The following TMEM18 variants were observed in gnomAD, a reference collection of about 807,000 sequenced individuals.
TMEM18 encodes transmembrane protein 18.
TMEM18 carries 14 observed loss-of-function variants against 17.4 expected under a neutral mutation model. That is an observed-to-expected ratio of 0.80 (90% CI 0.53 to 1.25). The LOEUF (loss-of-function observed/expected upper bound fraction) is 1.25. TMEM18 is among the 50% of genes most tolerant of loss of function. The probability of loss-of-function intolerance (pLI) is 0.00; values close to 1 mark genes in which losing one functional copy is unlikely to be tolerated. For synonymous variants in TMEM18, 86 were observed against 66.1 expected (o/e 1.30, Z -1.46); for missense variants, 187 against 172.1 (o/e 1.09, Z -0.48).
At position 668,525 on chromosome 2, in the gene TMEM18, C is replaced by T. The variant is rs748210196; in HGVS notation, c.*1055G>A. 3 of 152,164 alleles carry T rather than the reference C, an allele frequency of 2.0e-5. No homozygotes were observed. The highest frequency in any genetic ancestry group is 4.4e-5 in the Non-Finnish European group (3 of 68,036). 9.4% of individuals were successfully genotyped at this position (152,164 alleles called of 1,614,324 possible). On this transcript the variant is annotated 3_prime_UTR_variant, in exon 5 of 5. Transcript: ENST00000281017. The stretch of plus-strand genomic sequence containing the variant: ...GCTTGTCTAATCAAAGATAACTGTT[C>T]CAATTACATTTTGAATTGGTAACTT...
chr2:674,035 G>A (rs761643114), intron 2 of TMEM18, among the ~76,000 whole-genome samples: 13 of 152,174 alleles, frequency 8.5e-5, no homozygotes, highest in Non-Finnish European at 1.8e-4. Context: ...CTGGTTATAA[G>A]CTGTATAGCT....
intron 3 of TMEM18, 88 bp downstream of exon 3, chr2:672,720 T>C: frequency 8.1e-7 from 1 of 1,236,314 alleles, no homozygotes; most frequent in Non-Finnish European, 1.1e-6. Context: ...TAGGATTCAC[T>C]GTCTCCTCCG....
chr2:675,582 C>T lies in TMEM18; in HGVS notation c.106G>A (p.Ala36Thr), dbSNP rs1678980014. Residue 36 changes from alanine to threonine, a missense_variant, in exon 2 of 5, where the codon GCG becomes ACG. By Grantham distance (58) the Ala-to-Thr change is moderately conservative. Transcript: ENST00000281017. Reference protein sequence around the residue: ...PWLMGLATFHALCVLLTCLSS... With the variant: ...PWLMGLATFHTLCVLLTCLSS... ...AAGCAGGTGAGGAGCACGCAGAGCG[C>T]GTGGAAGGTGGCCAGCCCCATGAGC... The T allele has an allele frequency of 3.1e-6, 5 of 1,614,206 alleles. No individual in the cohort carries two copies. Among genetic ancestry groups the T allele is most frequent in the African/African-American group, 1.3e-5 (1 of 75,056 alleles).
intron 1 of TMEM18, 184 bp downstream of exon 1, chr2:677,104 GC>G: frequency 1.5e-6 from 1 of 649,238 alleles, no homozygotes; most frequent in South Asian, 1.9e-5. Context: ...CACAGCGCGC[GC>G]CCCCGACGCC....
intron 2 of TMEM18, among the ~76,000 whole-genome samples, chr2:673,259 A>C (rs1462957227): frequency 6.6e-6 from 1 of 152,178 alleles, no homozygotes; most frequent in Non-Finnish European, 1.5e-5. Flanking sequence ...AGAGCTGACA[A>C]CCAAGGGCTT....
Position 677,285 on chromosome 2 carries a change from T to C in TMEM18, c.57+4A>G. ...AACTGGTGGTTACGCGGGCCGCGAG[T>C]TACCGTGAGCACGGCTGGGATGCTG... On this transcript the variant is annotated splice_donor_region_variant and intron_variant, in intron 1 of 4. Transcript: ENST00000281017. The C allele has an allele frequency of 6.2e-7, 1 of 1,610,878 alleles. No homozygotes were observed. Among genetic ancestry groups the C allele is most frequent in the East Asian group, 2.2e-5 (1 of 44,828 alleles).
chr2:671,867 G>A (rs1287832021), intron 3 of TMEM18, among the ~76,000 whole-genome samples: 1 of 151,996 alleles, frequency 6.6e-6, no homozygotes, highest in African/African-American at 2.4e-5. Flanking sequence ...CCCTGCATCC[G>A]GGAGGAGAGG....
At chr2:672,976 A>G (rs58078949) in intron 2 of TMEM18, 114 bp from the exon 3 acceptor site, 115,953 of 1,010,422 alleles carry the variant, frequency 0.11, 7,923 homozygotes, top group African/African-American at 0.27. Context: ...AATTTTAAAC[A>G]TAACATCAGG....
rs114796269 is a variant in TMEM18, at chr2:665,225, C to T, written c.*4355G>A. Among the ~76,000 whole-genome samples the T allele has an allele frequency of 3.1e-3, 468 of 152,214 alleles. 2 individuals carry two copies. Among genetic ancestry groups the T allele is most frequent in the African/African-American group, 0.011 (440 of 41,510 alleles). On this transcript the variant is annotated 3_prime_UTR_variant, in exon 5 of 5. Transcript: ENST00000281017. ...CCCAGAGATGCAGATGCCCCACTCA[C>T]TCCGATAGAGAATCAACCCCATATA...
chr2:673,323 T>C (rs890527644), intron 2 of TMEM18, among the ~76,000 whole-genome samples: 2 of 151,730 alleles, frequency 1.3e-5, no homozygotes, highest in African/African-American at 4.8e-5. Flanking sequence ...GAGATGACCA[T>C]AGGAGGGGAG....
At chr2:674,765 G>A (rs527947094) in intron 2 of TMEM18, among the ~76,000 whole-genome samples, 1 of 152,362 alleles carries the variant, frequency 6.6e-6, no homozygotes, top group Non-Finnish European at 1.5e-5. Context: ...AAAATCTTCA[G>A]TGTCTCCCCA....
At position 667,014 on chromosome 2, in the gene TMEM18, C is replaced by CTTTTT. The variant is rs34894161; in HGVS notation, c.*2561_*2565dup. ...CTTACCCTGAATTCCACCCCCAGCCCTTTTTTTTTTTTTTTAACATTTATT... is the reference window on the plus strand; with the variant it reads ...CTTACCCTGAATTCCACCCCCAGCCCTTTTTTTTTTTTTTTTTTTTAACATTTATT... On this transcript the variant is annotated 3_prime_UTR_variant, in exon 5 of 5. Transcript: ENST00000281017. 7.1e-6 allele frequency among the ~76,000 whole-genome samples: 1 copy of CTTTTT among 140,816 alleles called. No individual in the cohort carries two copies. The highest frequency in any genetic ancestry group is 2.6e-5 in the African/African-American group (1 of 38,090). 92.4% of individuals were successfully genotyped at this position (140,816 alleles called of 152,430 possible). A position where few individuals can be genotyped will look rare whatever the true frequency, so the allele number is the denominator to read the frequency against.
At chr2:673,891 C>T (rs116706592) in intron 2 of TMEM18, among the ~76,000 whole-genome samples, 1,626 of 141,208 alleles carry the variant, frequency 0.012, 26 homozygotes, top group African/African-American at 0.04. Flanking sequence ...GGAGGGCTGA[C>T]GTTACAGGGG....
intron 1 of TMEM18, 86 bp downstream of exon 1, chr2:677,203 G>A: frequency 1.3e-6 from 2 of 1,513,990 alleles, no homozygotes; most frequent in Non-Finnish European, 1.8e-6. Flanking sequence ...GGCCTTCTTG[G>A]CCACAGGCCG....
At chr2:676,414 C>T in intron 1 of TMEM18, 1 of 1,336,724 alleles carries the variant, frequency 7.5e-7, no homozygotes, top group South Asian at 1.4e-5. Flanking sequence ...CCCCGCCCTG[C>T]CCTCCAAGCT....
At chr2:675,348 G>A (rs1390145477) in intron 2 of TMEM18, among the ~76,000 whole-genome samples, 162 bp downstream of exon 2, 2 of 152,212 alleles carry the variant, frequency 1.3e-5, no homozygotes, top group African/African-American at 2.4e-5. Flanking sequence ...TTTCTTTATA[G>A]CTTCCAAGAG....
rs1243205609 is a variant in TMEM18, at chr2:667,753, G to GAC, written c.*1825_*1826dup. On this transcript the variant is annotated 3_prime_UTR_variant, in exon 5 of 5. Coordinates refer to ENST00000281017, the MANE Select transcript of TMEM18 (RefSeq NM_152834.4). ...CAAAATATAACTGTTCCAAAACACAGACACACACATGCAGAATGAAAATCA... is the reference window on the plus strand; with the variant it reads ...CAAAATATAACTGTTCCAAAACACAGACACACACACATGCAGAATGAAAATCA... 2 of 152,182 alleles carry GAC rather than the reference G, an allele frequency of 1.3e-5. No individual in the cohort carries two copies. The highest frequency in any genetic ancestry group is 4.8e-5 in the African/African-American group (2 of 41,442). 9.4% of individuals were successfully genotyped at this position (152,182 alleles called of 1,614,324 possible).
chr2:665,198 A>G lies in TMEM18; in HGVS notation c.*4382T>C, dbSNP rs1049926515. Among the ~76,000 whole-genome samples, 5 of 152,160 alleles carry G rather than the reference A, an allele frequency of 3.3e-5. No homozygotes were observed. Among genetic ancestry groups the G allele is most frequent in the Admixed American group, 3.3e-4 (5 of 15,280 alleles). On this transcript the variant is annotated 3_prime_UTR_variant, in exon 5 of 5. Transcript: ENST00000281017. ...GGAGCATCACTCCCACATACAACAGAACCCAGAGATGCAGATGCCCCACTC... is the reference window on the plus strand; with the variant it reads ...GGAGCATCACTCCCACATACAACAGGACCCAGAGATGCAGATGCCCCACTC...
intron 3 of TMEM18, 146 bp from the exon 4 acceptor site, chr2:669,996 C>A: frequency 1.6e-6 from 1 of 632,680 alleles, no homozygotes; most frequent in Admixed American, 2.9e-5. Context: ...TTGGGAGCAG[C>A]GGTAATCTCC....
Sources: gnomAD v4.1 joint callset for allele counts (sites outside exome capture counted in the v4.1 genomes callset) on GRCh38, gnomAD v4.1.1 for gene constraint, MANE v1.5 for transcripts, NCBI Gene and HGNC (gene_info 2026-07-23, HGNC 2026-07-21) for gene names.